Variants in TGFBR2 observed in about 807,000 individuals in gnomAD.
The protein encoded by TGFBR2 is TGF-beta receptor type-2.
A neutral mutation model predicts 49.0 loss-of-function variants in TGFBR2; 18 were observed. The ratio of observed to expected loss-of-function variants is 0.37; its 90% CI spans 0.25 to 0.54. TGFBR2 has a LOEUF of 0.54. Among genes scored for constraint, TGFBR2 ranks in the 20% least tolerant of loss-of-function variants. The pLI is 0.85. For missense variants in TGFBR2, 525 were observed against 722.6 expected, an observed-to-expected ratio of 0.73 and a Z score of 3.13; for synonymous variants, 282 against 275.9, an observed-to-expected ratio of 1.02 and a Z score of -0.22.
At chr3:30,653,463 G>C (rs1011832799) in intron 3 of TGFBR2, among the ~76,000 whole-genome samples, 4 of 151,836 alleles carry the variant, frequency 2.6e-5, no homozygotes, top group African/African-American at 9.7e-5. Flanking sequence ...TGTTGATCAG[G>C]CTGGTCTCAA....
At chr3:30,690,786 C>T (rs1481726825) in intron 6 of TGFBR2, among the ~76,000 whole-genome samples, 2 of 152,056 alleles carry the variant, frequency 1.3e-5, no homozygotes, top group Non-Finnish European at 2.9e-5. Flanking sequence ...GAAACTATTC[C>T]GCATGATACT....
chr3:30,619,814 A>G (rs549735790), intron 1 of TGFBR2, among the ~76,000 whole-genome samples: 14 of 152,158 alleles, frequency 9.2e-5, no homozygotes, highest in Non-Finnish European at 1.9e-4. Context: ...TTTCCTGCCC[A>G]TAGCCTCTCC....
At chr3:30,628,336 A>AT (rs1305576715) in intron 1 of TGFBR2, among the ~76,000 whole-genome samples, 1 of 152,006 alleles carries the variant, frequency 6.6e-6, no homozygotes, top group Non-Finnish European at 1.5e-5. Context: ...GATGCTTTTA[A>AT]TTGGGTTCAG....
chr3:30,607,797 A>AAAT (rs1559444091), intron 1 of TGFBR2, among the ~76,000 whole-genome samples: 23 of 131,712 alleles, frequency 1.7e-4, no homozygotes, highest in African/African-American at 7.4e-4. Context: ...TAAAAATAAA[A>AAAT]AAATATATAT....
At chr3:30,629,943 G>A (rs1698405751) in intron 1 of TGFBR2, among the ~76,000 whole-genome samples, 1 of 152,130 alleles carries the variant, frequency 6.6e-6, no homozygotes, top group Non-Finnish European at 1.5e-5. Flanking sequence ...CATTCTAGTT[G>A]GAGGGAACAG....
At chr3:30,628,777 T>A (rs975080897) in intron 1 of TGFBR2, among the ~76,000 whole-genome samples, 24 of 152,094 alleles carry the variant, frequency 1.6e-4, no homozygotes, top group Non-Finnish European at 1.5e-5. Context: ...TTTCAGCTTG[T>A]TGCAAACCTA....
At chr3:30,635,914 C>T (rs1698519858) in intron 1 of TGFBR2, among the ~76,000 whole-genome samples, 1 of 152,188 alleles carries the variant, frequency 6.6e-6, no homozygotes, top group Non-Finnish European at 1.5e-5. Context: ...CACACACACA[C>T]TTCCCGTATC....
chr3:30,666,010 T>C (rs1699236241), intron 3 of TGFBR2, among the ~76,000 whole-genome samples: 2 of 152,176 alleles, frequency 1.3e-5, no homozygotes, highest in Admixed American at 6.5e-5. Context: ...TGAGCGTAAG[T>C]CACATGCTGA....
intron 3 of TGFBR2, among the ~76,000 whole-genome samples, chr3:30,669,266 C>T (rs1359055224): frequency 1.3e-5 from 2 of 149,808 alleles, no homozygotes; most frequent in Admixed American, 6.6e-5. Flanking sequence ...GACTCCATCT[C>T]GAGAAAAAAA....
chr3:30,689,950 T>G (rs946916758), intron 6 of TGFBR2, among the ~76,000 whole-genome samples: 4 of 152,238 alleles, frequency 2.6e-5, no homozygotes, highest in African/African-American at 9.6e-5. Context: ...GTTACTTGTG[T>G]ACCAACAATA....
At position 30,667,393 on chromosome 3, in the gene TGFBR2, A is replaced by C. The variant is rs1699264681; in HGVS notation, c.455-4245A>C. On this transcript the variant is annotated intron_variant, in intron 3 of 6. Transcript: ENST00000295754. ...GAGGGTGTGGGTGGCTCCTGTTTAG[A>C]TAAAGCCACATCCCAAAGCTTCCTT... Among the ~76,000 whole-genome samples the C allele has an allele frequency of 2.0e-5, 3 of 152,186 alleles. No individual in the cohort carries two copies. The South Asian group carries it at 6.2e-4, about 32-fold the overall frequency.
chr3:30,689,337 G>A (rs1374752613), intron 6 of TGFBR2, among the ~76,000 whole-genome samples: 1 of 152,210 alleles, frequency 6.6e-6, no homozygotes, highest in African/African-American at 2.4e-5. Context: ...GGAGCCCTTA[G>A]TGAAGAATGA....
chr3:30,675,972 C>T (rs1256531696), intron 5 of TGFBR2, among the ~76,000 whole-genome samples: 2 of 152,136 alleles, frequency 1.3e-5, no homozygotes, highest in Admixed American at 6.5e-5. Flanking sequence ...GTCTCCTTGA[C>T]CTTGTGAGAG....
intron 1 of TGFBR2, among the ~76,000 whole-genome samples, chr3:30,623,884 G>A (rs1229514551): frequency 6.6e-6 from 1 of 152,236 alleles, no homozygotes; most frequent in African/African-American, 2.4e-5. Flanking sequence ...GCTCATGCCT[G>A]TAATCCCAGC....
intron 6 of TGFBR2, 56 bp from the exon 7 acceptor site, chr3:30,691,364 G>T: frequency 6.3e-7 from 1 of 1,599,404 alleles, no homozygotes; most frequent in Non-Finnish European, 8.5e-7. Flanking sequence ...AGGCCACCTT[G>T]CCTTCCGCGG....
chr3:30,647,454 A>G (rs570169819), intron 2 of TGFBR2, among the ~76,000 whole-genome samples: 1 of 152,158 alleles, frequency 6.6e-6, no homozygotes, highest in African/African-American at 2.4e-5. Flanking sequence ...AGGAAACCTA[A>G]ACTAAGACAG....
At chr3:30,621,255 G>A (rs1348406924) in intron 1 of TGFBR2, among the ~76,000 whole-genome samples, 3 of 148,994 alleles carry the variant, frequency 2.0e-5, no homozygotes, top group African/African-American at 7.4e-5. Context: ...AGGAAAAGGA[G>A]ATGAAATAAG....
At chr3:30,643,299 G>A (rs1698676613) in intron 1 of TGFBR2, among the ~76,000 whole-genome samples, 1 of 152,236 alleles carries the variant, frequency 6.6e-6, no homozygotes, top group Non-Finnish European at 1.5e-5. Flanking sequence ...TGCGGTCTAA[G>A]TGCTTAATGT....
chr3:30,645,034 T>C, intron 2 of TGFBR2, 119 bp downstream of exon 2: 1 of 935,320 alleles, frequency 1.1e-6, no homozygotes, highest in Non-Finnish European at 1.7e-6. Flanking sequence ...TCCATTTCCC[T>C]TTCCTTTAGA....
Sources: gnomAD v4.1 joint callset for allele counts (sites outside exome capture counted in the v4.1 genomes callset) on GRCh38, gnomAD v4.1.1 for gene constraint, MANE v1.5 for transcripts, NCBI Gene and HGNC (gene_info 2026-07-23, HGNC 2026-07-21) for gene names.